Variants in KCMF1 observed in about 807,000 individuals in gnomAD.
The protein encoded by KCMF1 is potassium channel modulatory factor 1.
KCMF1 carries 3 observed loss-of-function variants against 41.1 expected under a neutral mutation model. The observed-to-expected ratio is 0.07, with a 90% confidence interval of 0.03 to 0.19. KCMF1 has a LOEUF of 0.19. Among genes scored for constraint, KCMF1 ranks in the 10% least tolerant of loss-of-function variants. KCMF1 has a pLI of 1.00. For missense variants in KCMF1, 286 were observed against 488.9 expected (o/e 0.58, Z 3.91); for synonymous variants, 142 against 164.5 (o/e 0.86, Z 1.04).
rs150138662 is a variant in KCMF1 at position 85,022,436 on chromosome 2, T to G, written c.17-5453T>G. Among the ~76,000 whole-genome samples, 488 of 152,320 alleles carry G rather than the reference T, an allele frequency of 3.2e-3. 3 individuals are homozygous for G. The highest frequency in any genetic ancestry group is 0.011 in the African/African-American group (463 of 41,590). On this transcript the variant is annotated intron_variant, in intron 1 of 6. Coordinates refer to ENST00000409785, the MANE Select transcript of KCMF1 (RefSeq NM_020122.5). ...CTGTAGTGAGCCGAGATTGTGCAAC[T>G]GCTCTCCAGCCAGGGTGACAGTGAG...
intron 2 of KCMF1, among the ~76,000 whole-genome samples, chr2:85,031,244 A>G (rs1010205959): frequency 5.3e-5 from 8 of 152,210 alleles, no homozygotes; most frequent in African/African-American, 1.7e-4. Flanking sequence ...CATCTTAATA[A>G]TATTAAATCT....
intron 3 of KCMF1, among the ~76,000 whole-genome samples, chr2:85,042,424 G>A (rs1459648743): frequency 1.3e-5 from 2 of 152,048 alleles, no homozygotes; most frequent in Admixed American, 6.6e-5. Flanking sequence ...CATCTCCAGC[G>A]CTACCACCTA....
rs1435421250 is a variant in KCMF1, at chr2:85,056,341, A to G, written c.*2932A>G. 6.6e-6 allele frequency: 1 copy of G among 152,124 alleles called. No homozygotes were observed. The highest frequency in any genetic ancestry group is 1.5e-5 in the Non-Finnish European group (1 of 68,040). 9.4% of individuals were successfully genotyped at this position (152,124 alleles called of 1,614,324 possible). On this transcript the variant is annotated 3_prime_UTR_variant, in exon 7 of 7. Coordinates refer to ENST00000409785, the MANE Select transcript of KCMF1 (RefSeq NM_020122.5). ...CCTCTCAATATTAGAAATTTCAATA[A>G]TATGCTGACAGATTTTCAAAGGTCA...
At chr2:84,996,160 A>C (rs1457088903) in intron 1 of KCMF1, among the ~76,000 whole-genome samples, 3 of 152,244 alleles carry the variant, frequency 2.0e-5, no homozygotes, top group African/African-American at 7.2e-5. Flanking sequence ...ACACTCAAGT[A>C]ATTATAAACA....
rs953558700 is a variant in KCMF1 at position 85,056,894 on chromosome 2, C to T, written c.*3485C>T. ...GTTTCATGTGCAGTAAAAATTAAAACACGGCTGAGCGTGGTGGCTCACGCC... is the reference window on the plus strand; with the variant it reads ...GTTTCATGTGCAGTAAAAATTAAAATACGGCTGAGCGTGGTGGCTCACGCC... On this transcript the variant is annotated 3_prime_UTR_variant, in exon 7 of 7. Transcript: ENST00000409785. 1 of 152,196 alleles carries T rather than the reference C, an allele frequency of 6.6e-6. No individual in the cohort carries two copies. The highest frequency in any genetic ancestry group is 2.4e-5 in the African/African-American group (1 of 41,450). 9.4% of individuals were successfully genotyped at this position (152,196 alleles called of 1,614,324 possible).
At chr2:84,995,796 C>A (rs1381667618) in intron 1 of KCMF1, among the ~76,000 whole-genome samples, 4 of 152,112 alleles carry the variant, frequency 2.6e-5, no homozygotes, top group Non-Finnish European at 5.9e-5. Context: ...TTAAAAAATC[C>A]ATTTTTAAAA....
At chr2:84,982,452 A>C (rs1460879355) in intron 1 of KCMF1, among the ~76,000 whole-genome samples, 1 of 113,872 alleles carries the variant, frequency 8.8e-6, no homozygotes, top group Non-Finnish European at 1.6e-5. Flanking sequence ...CCCAGGCTGG[A>C]GTGCAGTGGC....
rs199626542 is a variant in KCMF1 at position 85,024,587 on chromosome 2, T to A, written c.17-3302T>A. 4.0e-3 allele frequency among the ~76,000 whole-genome samples: 582 copies of A among 145,310 alleles called. 4 individuals are homozygous for A. Among genetic ancestry groups the A allele is most frequent in the East Asian group, 0.024 (119 of 4,912 alleles). ...GAGAGAGAGAGAGAGAGAGAGAGTG[T>A]GTGTGTGTGTGTGTGTGTGCGCGTG... On this transcript the variant is annotated intron_variant, in intron 1 of 6. Transcript: ENST00000409785.
At chr2:85,049,173 T>C (rs1381491233) in intron 5 of KCMF1, among the ~76,000 whole-genome samples, 193 bp from the exon 6 acceptor site, 1 of 152,238 alleles carries the variant, frequency 6.6e-6, no homozygotes, top group East Asian at 1.9e-4. Flanking sequence ...TCGTATGCAT[T>C]TGCATTCTCT....
chr2:85,032,202 C>T (rs994097316), intron 2 of KCMF1, among the ~76,000 whole-genome samples: 1 of 151,890 alleles, frequency 6.6e-6, no homozygotes, highest in Non-Finnish European at 1.5e-5. Flanking sequence ...GATGGAGTCT[C>T]CGTCTGTTGC....
intron 1 of KCMF1, among the ~76,000 whole-genome samples, chr2:84,974,553 G>C (rs1003390215): frequency 6.6e-6 from 1 of 150,400 alleles, no homozygotes; most frequent in Non-Finnish European, 1.5e-5. Flanking sequence ...TTGCAGGCTT[G>C]GCGGAGCTGT....
intron 1 of KCMF1, among the ~76,000 whole-genome samples, chr2:85,010,352 C>T (rs1481570336): frequency 1.3e-5 from 2 of 152,270 alleles, no homozygotes; most frequent in East Asian, 3.9e-4. Context: ...ACCTGTAACC[C>T]TAGCTACTTG....
chr2:84,975,812 T>TA (rs773006370), intron 1 of KCMF1, among the ~76,000 whole-genome samples: 4 of 151,888 alleles, frequency 2.6e-5, no homozygotes, highest in East Asian at 3.8e-4. Flanking sequence ...GCTTTCCAAA[T>TA]AAAAAAAAGC....
Position 84,997,504 on chromosome 2 carries a change from C to G in KCMF1, c.16+26037C>G, listed in dbSNP as rs546201476. Among the ~76,000 whole-genome samples, 5 of 152,142 alleles carry G rather than the reference C, an allele frequency of 3.3e-5. 1 individual carries two copies. Among genetic ancestry groups the G allele is most frequent in the South Asian group, 4.2e-4 (2 of 4,816 alleles). On this transcript the variant is annotated intron_variant, in intron 1 of 6. Coordinates refer to ENST00000409785, the MANE Select transcript of KCMF1 (RefSeq NM_020122.5). Reference sequence around the variant, plus strand: ...CTTGAAGAAGGCATATATTTCTTACCCCTCACTCCCCATGGTCTCCTCTTA... The same window carrying G: ...CTTGAAGAAGGCATATATTTCTTACGCCTCACTCCCCATGGTCTCCTCTTA...
chr2:85,040,762 T>C (rs1675508467), intron 3 of KCMF1, among the ~76,000 whole-genome samples: 1 of 151,734 alleles, frequency 6.6e-6, no homozygotes. Context: ...TTTTCTTTTT[T>C]CTTTTCTTTT....
intron 2 of KCMF1, among the ~76,000 whole-genome samples, chr2:85,030,992 C>A (rs1675253113): frequency 6.6e-6 from 1 of 152,228 alleles, no homozygotes; most frequent in African/African-American, 2.4e-5. Flanking sequence ...GCCACCATGC[C>A]AAGCCTACAT....
At chr2:85,009,614 G>A (rs1022192184) in intron 1 of KCMF1, among the ~76,000 whole-genome samples, 2 of 152,040 alleles carry the variant, frequency 1.3e-5, no homozygotes, top group African/African-American at 4.8e-5. Flanking sequence ...CTAGAGTAGG[G>A]TTCCAGTTTT....
At chr2:85,009,494 G>A (rs1337953367) in intron 1 of KCMF1, among the ~76,000 whole-genome samples, 1 of 152,076 alleles carries the variant, frequency 6.6e-6, no homozygotes, top group African/African-American at 2.4e-5. Context: ...GCTGTACAGG[G>A]GCTCTTTCAG....
At chr2:85,028,593 G>A (rs1436481382) in intron 2 of KCMF1, among the ~76,000 whole-genome samples, 2 of 140,970 alleles carry the variant, frequency 1.4e-5, no homozygotes, top group South Asian at 4.7e-4. Flanking sequence ...AGGTTCAAGC[G>A]ATTCTCCTGC....
Sources: gnomAD v4.1 joint callset for allele counts (sites outside exome capture counted in the v4.1 genomes callset) on GRCh38, gnomAD v4.1.1 for gene constraint, MANE v1.5 for transcripts, NCBI Gene and HGNC (gene_info 2026-07-23, HGNC 2026-07-21) for gene names.